Variants in TEX11 observed in about 807,000 individuals in gnomAD.
TEX11 encodes the protein testis expressed 11.
In TEX11, 7 loss-of-function variants were observed where a neutral mutation model predicts 84.4. The observed-to-expected ratio is 0.08, with a 90% CI of 0.05 to 0.16. The LOEUF is 0.16. Among genes scored for constraint, TEX11 ranks in the 10% least tolerant of loss-of-function variants. The pLI is 1.00. For synonymous variants in TEX11, 264 were observed against 222.8 expected, an observed-to-expected ratio of 1.18 and a Z score of -1.64; for missense variants, 551 against 660.5, an observed-to-expected ratio of 0.83 and a Z score of 1.82.
At chrX:70,609,653 T>A (rs1468093211) in intron 21 of TEX11, among the ~76,000 whole-genome samples, 1 of 112,242 alleles carries the variant, frequency 8.9e-6, no homozygotes, top group Non-Finnish European at 1.9e-5. Context: ...AGTTTTTCTC[T>A]TTTGAAAAGA....
chrX:70,799,538 A>G (rs1326847641), intron 9 of TEX11, among the ~76,000 whole-genome samples: 1 of 111,781 alleles, frequency 8.9e-6, no homozygotes, highest in African/African-American at 3.2e-5. Flanking sequence ...CACCAGGCAA[A>G]ATGCCTTGAG....
chrX:70,888,937 A>C (rs972997426), intron 2 of TEX11, among the ~76,000 whole-genome samples: 4 of 111,432 alleles, frequency 3.6e-5, no homozygotes, highest in African/African-American at 1.3e-4. Context: ...GACATATTTA[A>C]AGTGCTGTGG....
intron 1 of TEX11, among the ~76,000 whole-genome samples, chrX:70,908,408 T>C (rs1389397821): frequency 1.8e-5 from 2 of 111,287 alleles, no homozygotes; most frequent in African/African-American, 3.3e-5. Flanking sequence ...GTAACTACTA[T>C]CTCCGGTTTT....
intron 9 of TEX11, among the ~76,000 whole-genome samples, chrX:70,776,822 G>C (rs1375131108): frequency 2.7e-5 from 3 of 110,356 alleles, no homozygotes; most frequent in African/African-American, 9.9e-5. Flanking sequence ...TAGTTGGAAG[G>C]AATAAGTTCT....
intron 17 of TEX11, among the ~76,000 whole-genome samples, chrX:70,649,718 G>C (rs1157637053): frequency 9.0e-6 from 1 of 111,367 alleles, no homozygotes. Context: ...AGATTGCAGT[G>C]AGCTGAGATC....
intron 17 of TEX11, among the ~76,000 whole-genome samples, chrX:70,641,563 A>G (rs1440077746): frequency 8.9e-6 from 1 of 111,753 alleles, no homozygotes; most frequent in African/African-American, 3.3e-5. Context: ...ATTATAACAA[A>G]CTATCTCTCA....
chrX:70,614,775 G>A (rs866520761), intron 20 of TEX11, among the ~76,000 whole-genome samples: 19 of 111,410 alleles, frequency 1.7e-4, no homozygotes, highest in African/African-American at 3.6e-4. Context: ...AGGGGTGCTT[G>A]TATCAACATA....
rs147691611 is a variant in TEX11, at chrX:70,664,338, C to T, written c.1380+6039G>A. On this transcript the variant is annotated intron_variant, in intron 16 of 29. Transcript: ENST00000374333. ...TTCTTGTACAATTGGTTTTGGGATCCAATTATAGGATGTTTTGTTGTTTCC... is the reference window on the plus strand; with the variant it reads ...TTCTTGTACAATTGGTTTTGGGATCTAATTATAGGATGTTTTGTTGTTTCC... 2.6e-3 allele frequency among the ~76,000 whole-genome samples: 287 copies of T among 111,335 alleles called. 1 individual carries two copies. Among genetic ancestry groups the T allele is most frequent in the Middle Eastern group, 9.3e-3 (2 of 215 alleles).
At chrX:70,899,537 A>G (rs2091790699) in intron 2 of TEX11, among the ~76,000 whole-genome samples, 1 of 110,360 alleles carries the variant, frequency 9.1e-6, no homozygotes, top group Admixed American at 9.9e-5. Context: ...ATACATTGGA[A>G]CTATATTCTG....
chrX:70,545,774 G>A (rs893126243), intron 28 of TEX11, among the ~76,000 whole-genome samples: 1 of 111,833 alleles, frequency 8.9e-6, no homozygotes, highest in South Asian at 3.7e-4. Context: ...AAACATGTGA[G>A]TAATGTGTTG....
chrX:70,601,828 T>G (rs994704790), intron 24 of TEX11, among the ~76,000 whole-genome samples: 3 of 104,834 alleles, frequency 2.9e-5, no homozygotes, highest in African/African-American at 1.0e-4. Context: ...ACACAGCACA[T>G]GTTTCAGAGA....
chrX:70,801,051 C>A (rs966227954), intron 9 of TEX11, among the ~76,000 whole-genome samples: 1 of 111,070 alleles, frequency 9.0e-6, no homozygotes, highest in Admixed American at 9.6e-5. Flanking sequence ...ATGTGGAACT[C>A]CCCTATTTAC....
intron 9 of TEX11, among the ~76,000 whole-genome samples, chrX:70,806,437 CAGAG>C (rs752764504): frequency 7.5e-5 from 7 of 93,282 alleles, no homozygotes; most frequent in Non-Finnish European, 1.2e-4. Context: ...GCCTAGGTGA[CAGAG>C]AGAGATACGA....
the TEX11 span, among the ~76,000 whole-genome samples, chrX:70,519,366 T>C: frequency 2.7e-5 from 3 of 111,992 alleles, no homozygotes; most frequent in African/African-American, 9.7e-5. Flanking sequence ...TCTCTTTCAC[T>C]TATGAAGCTT....
At chrX:70,876,478 C>T (rs1219294996) in intron 3 of TEX11, among the ~76,000 whole-genome samples, 1 of 102,857 alleles carries the variant, frequency 9.7e-6, no homozygotes, top group East Asian at 2.8e-4. Context: ...TATTAAGCAC[C>T]TAAGATGTGG....
At chrX:70,753,360 C>A (rs896862617) in intron 9 of TEX11, among the ~76,000 whole-genome samples, 2 of 111,248 alleles carry the variant, frequency 1.8e-5, no homozygotes, top group African/African-American at 6.5e-5. Context: ...GAGAGAAAAT[C>A]GAAGAGTGGG....
intron 25 of TEX11, among the ~76,000 whole-genome samples, chrX:70,564,310 G>A (rs944628277): frequency 1.8e-5 from 2 of 111,899 alleles, no homozygotes; most frequent in African/African-American, 6.5e-5. Context: ...TGGAATCAGA[G>A]TATGCTGGCC....
At chrX:70,753,390 T>C (rs1051005098) in intron 9 of TEX11, among the ~76,000 whole-genome samples, 17 of 111,367 alleles carry the variant, frequency 1.5e-4, no homozygotes, top group Non-Finnish European at 3.0e-4. Flanking sequence ...GTCTTGCATC[T>C]TGGATACCAG....
At chrX:70,548,727 G>C (rs191754449) in intron 28 of TEX11, among the ~76,000 whole-genome samples, 5 of 112,073 alleles carry the variant, frequency 4.5e-5, no homozygotes, top group African/African-American at 1.6e-4. Context: ...GCCCTAGCTA[G>C]AGAGCAATTG....
Sources: allele counts gnomAD v4.1 joint callset (sites outside exome capture counted in the v4.1 genomes callset), GRCh38; gene constraint gnomAD v4.1.1; transcripts MANE v1.5; gene names NCBI Gene and HGNC (gene_info 2026-07-23, HGNC 2026-07-21).